LRP1B: variants seen among roughly 807,000 people sequenced by gnomAD.
The protein encoded by LRP1B is low-density lipoprotein receptor-related protein 1B.
In LRP1B, 217 loss-of-function variants were observed where a neutral mutation model predicts 556.6. The ratio of observed to expected loss-of-function variants is 0.39; its 90% CI spans 0.35 to 0.44. LRP1B has a LOEUF of 0.44. Among genes scored for constraint, LRP1B ranks in the 20% least tolerant of loss-of-function variants. The pLI is 1.00. For synonymous variants in LRP1B, 2,047 were observed against 1,865.8 expected, an observed-to-expected ratio of 1.10 and a Z score of -2.50; for missense variants, 5,053 against 5,620.8, an observed-to-expected ratio of 0.90 and a Z score of 3.23.
intron 1 of LRP1B, among the ~76,000 whole-genome samples, chr2:142,050,523 T>C (rs184892211): frequency 4.4e-4 from 67 of 152,276 alleles, no homozygotes; most frequent in Admixed American, 9.8e-4. Flanking sequence ...ACATCACATA[T>C]CCTACAATTC....
At chr2:140,234,408 G>T (rs1393040692) in intron 90 of LRP1B, among the ~76,000 whole-genome samples, 1 of 151,092 alleles carries the variant, frequency 6.6e-6, no homozygotes, top group Non-Finnish European at 1.5e-5. Flanking sequence ...CTATTTAACT[G>T]CACGTCAAAT....
At chr2:140,553,953 C>T (rs559532992) in intron 43 of LRP1B, among the ~76,000 whole-genome samples, 255 of 151,942 alleles carry the variant, frequency 1.7e-3, no homozygotes, top group African/African-American at 5.8e-3. Flanking sequence ...CAGAAGCCGA[C>T]GGGAAAGAGA....
intron 2 of LRP1B, among the ~76,000 whole-genome samples, chr2:141,559,298 T>C (rs968115501): frequency 6.6e-6 from 1 of 151,734 alleles, no homozygotes; most frequent in Non-Finnish European, 1.5e-5. Context: ...AGGTCTATGA[T>C]TGATTTCTGT....
In LRP1B at chr2:141,059,057, A is replaced by G; in HGVS notation, c.1237-3T>C. The stretch of plus-strand genomic sequence containing the variant: ...GTTATACCATAAAGATGTCTAACCT[A>G]TAAAGAGGGCAAAACATAACTATGA... On this transcript the variant is annotated splice_region_variant and splice_polypyrimidine_tract_variant and intron_variant, in intron 8 of 90. Transcript: ENST00000389484. The G allele has an allele frequency of 2.0e-6, 3 of 1,484,250 alleles. No homozygotes were observed. Among genetic ancestry groups the G allele is most frequent in the Non-Finnish European group, 2.7e-6 (3 of 1,108,656 alleles). The allele number at this position is 1,484,250 out of a possible 1,614,324, so 91.9% of individuals were successfully genotyped here.
At chr2:141,768,862 G>C (rs1436240371) in intron 2 of LRP1B, among the ~76,000 whole-genome samples, 1 of 140,644 alleles carries the variant, frequency 7.1e-6, no homozygotes, top group Non-Finnish European at 1.6e-5. Context: ...ACTGTATTAA[G>C]AGATACAGAT....
At chr2:141,446,441 A>T (rs1018384894) in intron 3 of LRP1B, among the ~76,000 whole-genome samples, 1 of 152,094 alleles carries the variant, frequency 6.6e-6, no homozygotes, top group Non-Finnish European at 1.5e-5. Context: ...TGTGAATTTG[A>T]TCCTGTCATT....
chr2:140,932,279 T>C (rs1336976786), intron 20 of LRP1B, among the ~76,000 whole-genome samples: 3 of 152,134 alleles, frequency 2.0e-5, no homozygotes, highest in Non-Finnish European at 4.4e-5. Context: ...CAGATCTTTA[T>C]AATATGTCTG....
chr2:141,883,388 G>A (rs1336028301), intron 1 of LRP1B, among the ~76,000 whole-genome samples: 1 of 152,110 alleles, frequency 6.6e-6, no homozygotes, highest in African/African-American at 2.4e-5. Flanking sequence ...AGTAAAAGAT[G>A]AAATTTCACT....
Position 141,792,471 on chromosome 2 carries a change from C to T in LRP1B, c.205+17808G>A, listed in dbSNP as rs1236383618. ...ATCATGAAAAATTACCAGTGAAAGA[C>T]TCCATCAGAGAGTCAGTTATTTAAT... On this transcript the variant is annotated intron_variant, in intron 2 of 90. Transcript: ENST00000389484. 3.3e-5 allele frequency among the ~76,000 whole-genome samples: 5 copies of T among 151,992 alleles called. No homozygotes were observed. The East Asian group carries it at 7.7e-4, about 23-fold the overall frequency.
chr2:141,678,162 T>C (rs16846835), intron 2 of LRP1B, among the ~76,000 whole-genome samples: 10,891 of 152,142 alleles, frequency 0.072, 545 homozygotes, highest in African/African-American at 0.13. Flanking sequence ...GGTGATACAG[T>C]TGAAGGAATA....
intron 43 of LRP1B, among the ~76,000 whole-genome samples, chr2:140,568,770 A>C (rs1318682632): frequency 6.6e-6 from 1 of 152,146 alleles, no homozygotes; most frequent in Non-Finnish European, 1.5e-5. Flanking sequence ...TCCCCATTAC[A>C]TTAACAGCAG....
chr2:141,221,521 G>C (rs1291085696), intron 6 of LRP1B, among the ~76,000 whole-genome samples: 1 of 152,044 alleles, frequency 6.6e-6, no homozygotes, highest in African/African-American at 2.4e-5. Flanking sequence ...ATATTAGACA[G>C]ATTGAGATAA....
intron 49 of LRP1B, among the ~76,000 whole-genome samples, chr2:140,523,304 C>T (rs1474226201): frequency 6.6e-6 from 1 of 151,922 alleles, no homozygotes; most frequent in Non-Finnish European, 1.5e-5. Flanking sequence ...ATGTGATCAT[C>T]TCAATAGACA....
At chr2:141,209,801 CTCACAG>C (rs950582964) in intron 6 of LRP1B, among the ~76,000 whole-genome samples, 21 of 152,128 alleles carry the variant, frequency 1.4e-4, no homozygotes, top group Non-Finnish European at 4.4e-5. Flanking sequence ...TGCCCTCAAA[CTCACAG>C]ACACAGACAC....
intron 1 of LRP1B, among the ~76,000 whole-genome samples, chr2:141,914,262 T>C (rs1699976930): frequency 6.6e-6 from 1 of 152,232 alleles, no homozygotes; most frequent in Non-Finnish European, 1.5e-5. Flanking sequence ...ATTACATATG[T>C]TTTAAAAGAT....
chr2:141,206,606 G>A (rs912332122), intron 6 of LRP1B, among the ~76,000 whole-genome samples: 12 of 151,676 alleles, frequency 7.9e-5, no homozygotes, highest in African/African-American at 2.4e-4. Context: ...ATAAAGAATC[G>A]CCACTATTTC....
rs201761576 is a variant in LRP1B, at chr2:141,319,299, G to GTTTT, written c.344-64662_344-64659dup. 1.5e-3 allele frequency among the ~76,000 whole-genome samples: 118 copies of GTTTT among 80,276 alleles called. 4 individuals carry two copies. Among genetic ancestry groups the GTTTT allele is most frequent in the Non-Finnish European group, 1.8e-3 (73 of 40,442 alleles). 52.7% of individuals were successfully genotyped at this position (80,276 alleles called of 152,430 possible). On this transcript the variant is annotated intron_variant, in intron 3 of 90. Coordinates refer to ENST00000389484, the MANE Select transcript of LRP1B (RefSeq NM_018557.3). ...CATAATGTAGTCTCTAAAAAGCAGT[G>GTTTT]TTTTTTTGTTGTTTTTTTTTTTTTT...
chr2:141,777,576 C>T (rs577896221), intron 2 of LRP1B, among the ~76,000 whole-genome samples: 12 of 152,024 alleles, frequency 7.9e-5, no homozygotes, highest in African/African-American at 2.7e-4. Flanking sequence ...CCACCACACC[C>T]GGCTTATTTT....
At chr2:140,586,438 G>T (rs1447608962) in intron 43 of LRP1B, among the ~76,000 whole-genome samples, 2 of 152,174 alleles carry the variant, frequency 1.3e-5, no homozygotes, top group Admixed American at 1.3e-4. Flanking sequence ...ACAGGAAAAA[G>T]GCTGTGACAC....
Sources: gnomAD v4.1 joint callset for allele counts (sites outside exome capture counted in the v4.1 genomes callset) on GRCh38, gnomAD v4.1.1 for gene constraint, MANE v1.5 for transcripts, NCBI Gene and HGNC (gene_info 2026-07-23, HGNC 2026-07-21) for gene names.